COL24A1: variants seen among roughly 807,000 people sequenced by gnomAD.
The protein encoded by COL24A1 is collagen alpha-1(XXIV) chain.
Under a neutral mutation model 253.9 loss-of-function variants are expected in COL24A1, and 224 were observed. The observed-to-expected ratio is 0.88, with a 90% CI of 0.79 to 0.99. The LOEUF is 0.99. COL24A1 is among the 50% of genes least tolerant of loss of function. The probability of loss-of-function intolerance (pLI) is 0.00; values close to 1 mark genes in which losing one functional copy is unlikely to be tolerated. For synonymous variants in COL24A1, 685 were observed against 673.7 expected (o/e 1.02, Z -0.26); for missense variants, 2,131 against 2,068.5 (o/e 1.03, Z -0.59).
chr1:85,744,077 G>T lies in COL24A1; in HGVS notation c.4672+589C>A, dbSNP rs142602752. Reference sequence around the variant, plus strand: ...TAAAACTAGAGTTTGTAGCAGACAAGGTTTCCCCTGTTTAACTGATGACTT... The same window carrying T: ...TAAAACTAGAGTTTGTAGCAGACAATGTTTCCCCTGTTTAACTGATGACTT... On this transcript the variant is annotated intron_variant, in intron 57 of 59. Coordinates refer to ENST00000370571, the MANE Select transcript of COL24A1 (RefSeq NM_152890.7). Among the ~76,000 whole-genome samples the T allele has an allele frequency of 3.3e-5, 5 of 151,980 alleles. 1 individual carries two copies. In the East Asian group the frequency reaches 9.7e-4, roughly 29 times the overall value.
intron 43 of COL24A1, among the ~76,000 whole-genome samples, chr1:85,827,792 G>T (rs1287848291): frequency 7.2e-5 from 11 of 151,956 alleles, no homozygotes; most frequent in East Asian, 1.9e-4. Context: ...ATTTTTTATT[G>T]TGTCTGTTTG....
chr1:85,842,017 C>A, intron 41 of COL24A1, 51 bp downstream of exon 41: 1 of 1,507,550 alleles, frequency 6.6e-7, no homozygotes, highest in South Asian at 1.2e-5. Context: ...AGGAATAATT[C>A]ATGAACTCAA....
At chr1:86,022,479 T>C in intron 17 of COL24A1, 59 bp downstream of exon 17, 1 of 1,461,366 alleles carries the variant, frequency 6.8e-7, no homozygotes, top group Non-Finnish European at 9.5e-7. Flanking sequence ...AATAAGCAGT[T>C]CTTTCTTTTG....
intron 24 of COL24A1, among the ~76,000 whole-genome samples, chr1:85,953,452 A>G (rs753505821): frequency 6.6e-6 from 1 of 152,214 alleles, no homozygotes; most frequent in Non-Finnish European, 1.5e-5. Context: ...ATGAAAGAGG[A>G]CTAATGTTTT....
chr1:86,065,311 T>TA (rs1701387098), intron 7 of COL24A1, among the ~76,000 whole-genome samples: 1 of 152,222 alleles, frequency 6.6e-6, no homozygotes, highest in Non-Finnish European at 1.5e-5. Context: ...AGATCAGAGT[T>TA]AGTTTCCTCC....
At chr1:86,097,522 C>CT (rs1704049453) in intron 5 of COL24A1, among the ~76,000 whole-genome samples, 1 of 3,804 alleles carries the variant, frequency 2.6e-4, no homozygotes, top group Non-Finnish European at 6.4e-4. Context: ...CCCTCCTCCT[C>CT]CCTCCTCCCT....
chr1:86,134,289 T>C (rs1285180479), intron 2 of COL24A1, among the ~76,000 whole-genome samples: 1 of 151,596 alleles, frequency 6.6e-6, no homozygotes, highest in Non-Finnish European at 1.5e-5. Context: ...GTTGATCTTT[T>C]CAAAAAACCA....
intron 48 of COL24A1, among the ~76,000 whole-genome samples, chr1:85,785,131 G>A (rs1669548579): frequency 6.6e-6 from 1 of 152,130 alleles, no homozygotes; most frequent in African/African-American, 2.4e-5. Flanking sequence ...CTCCTGAAGT[G>A]TAAACCCTGG....
At chr1:85,824,802 T>C (rs1339355126) in intron 43 of COL24A1, among the ~76,000 whole-genome samples, 3 of 152,080 alleles carry the variant, frequency 2.0e-5, no homozygotes, top group Admixed American at 1.3e-4. Context: ...TTTCTCCCTA[T>C]TTTCATACGT....
intron 32 of COL24A1, among the ~76,000 whole-genome samples, chr1:85,884,287 C>T (rs1376854347): frequency 1.3e-5 from 2 of 152,090 alleles, no homozygotes; most frequent in East Asian, 3.9e-4. Flanking sequence ...TAAATGAAAC[C>T]AAGGTGAATA....
intron 31 of COL24A1, among the ~76,000 whole-genome samples, chr1:85,893,298 C>A (rs1683315452): frequency 6.7e-6 from 1 of 150,178 alleles, no homozygotes; most frequent in Admixed American, 6.6e-5. Flanking sequence ...TATTTTTTAA[C>A]AAAAAAAGGA....
intron 47 of COL24A1, among the ~76,000 whole-genome samples, chr1:85,797,207 C>CAAAAAA (rs1181001829): frequency 6.0e-5 from 4 of 66,178 alleles, no homozygotes; most frequent in African/African-American, 1.3e-4. Flanking sequence ...GACTCCGTCT[C>CAAAAAA]AAAAAAAAAA....
chr1:86,138,683 T>C (rs2102368622), intron 2 of COL24A1, among the ~76,000 whole-genome samples: 1 of 152,296 alleles, frequency 6.6e-6, no homozygotes, highest in Middle Eastern at 3.4e-3. Flanking sequence ...CTTTCTTTTG[T>C]AAATTGCCCA....
At chr1:85,864,759 T>C (rs1679591959) in intron 37 of COL24A1, among the ~76,000 whole-genome samples, 1 of 152,200 alleles carries the variant, frequency 6.6e-6, no homozygotes, top group African/African-American at 2.4e-5. Context: ...AAACAGATAG[T>C]AAAAACCACA....
chr1:86,056,720 G>A (rs1181423847), intron 10 of COL24A1, among the ~76,000 whole-genome samples: 1 of 151,782 alleles, frequency 6.6e-6, no homozygotes, highest in Non-Finnish European at 1.5e-5. Flanking sequence ...CTGGTGTGGT[G>A]GCACGTGCCT....
rs529321527 is a variant in COL24A1, at chr1:86,150,454, T to C, written c.57-4271A>G. 3.6e-3 allele frequency among the ~76,000 whole-genome samples: 545 copies of C among 152,314 alleles called. 2 individuals are homozygous for C. Among genetic ancestry groups the C allele is most frequent in the African/African-American group, 0.012 (494 of 41,576 alleles). Reference sequence around the variant, plus strand: ...TTTTTCCTTATGGACTTGATTCTTTTAACACTTGGAAAAAATAAAATAAAA... The same window carrying C: ...TTTTTCCTTATGGACTTGATTCTTTCAACACTTGGAAAAAATAAAATAAAA... On this transcript the variant is annotated intron_variant, in intron 1 of 59. Transcript: ENST00000370571.
chr1:85,924,064 A>G (rs1047070091), intron 24 of COL24A1, among the ~76,000 whole-genome samples: 3 of 152,228 alleles, frequency 2.0e-5, no homozygotes, highest in African/African-American at 4.8e-5. Flanking sequence ...AAACTAGAAA[A>G]TCTAGAAGAA....
At chr1:85,734,691 G>A in intron 59 of COL24A1, 58 bp downstream of exon 59, 2 of 1,432,576 alleles carry the variant, frequency 1.4e-6, no homozygotes, top group South Asian at 2.3e-5. Context: ...CTAATTTTAT[G>A]GTTTTATCAA....
At chr1:85,869,752 T>A (rs1680215628) in intron 35 of COL24A1, among the ~76,000 whole-genome samples, 1 of 152,022 alleles carries the variant, frequency 6.6e-6, no homozygotes, top group Non-Finnish European at 1.5e-5. Flanking sequence ...CATGCCAAAT[T>A]GTAAAGACCA....
Sources: allele counts gnomAD v4.1 joint callset (sites outside exome capture counted in the v4.1 genomes callset), GRCh38; gene constraint gnomAD v4.1.1; transcripts MANE v1.5; gene names NCBI Gene and HGNC (gene_info 2026-07-23, HGNC 2026-07-21).